PTPRT: variants seen among roughly 807,000 people sequenced by gnomAD.
PTPRT encodes the protein receptor-type tyrosine-protein phosphatase T.
In PTPRT, 56 loss-of-function variants were observed where a neutral mutation model predicts 176.8. The observed-to-expected ratio is 0.32, with a 90% confidence interval of 0.26 to 0.40. PTPRT has a LOEUF of 0.40. Ranked by LOEUF, PTPRT falls within the 10% of genes least tolerant of loss-of-function variation. The pLI, the probability that PTPRT is intolerant of heterozygous loss-of-function variation, is 1.00. For missense variants in PTPRT, 1,540 were observed against 1,908.2 expected (o/e 0.81, Z 3.60); for synonymous variants, 783 against 739.0 (o/e 1.06, Z -0.96).
At chr20:42,754,873 C>A (rs973428593) in intron 6 of PTPRT, among the ~76,000 whole-genome samples, 1 of 151,922 alleles carries the variant, frequency 6.6e-6, no homozygotes, top group African/African-American at 2.4e-5. Context: ...TCAAAACAGG[C>A]GAACACTAAC....
chr20:42,857,859 G>A (rs1162062123), intron 2 of PTPRT, among the ~76,000 whole-genome samples: 2 of 152,204 alleles, frequency 1.3e-5, no homozygotes, highest in African/African-American at 4.8e-5. Flanking sequence ...TGCAGAAGGT[G>A]TCTCCTGTTT....
chr20:42,214,880 A>T (rs954681906), intron 15 of PTPRT, among the ~76,000 whole-genome samples: 2 of 152,308 alleles, frequency 1.3e-5, no homozygotes, highest in African/African-American at 4.8e-5. Flanking sequence ...CCTAGACTGA[A>T]ATCCTGGCTC....
chr20:43,185,699 C>T (rs751963526), intron 1 of PTPRT, among the ~76,000 whole-genome samples: 4 of 152,006 alleles, frequency 2.6e-5, no homozygotes, highest in South Asian at 2.1e-4. Context: ...TTTGGGAGGC[C>T]GAGGTAGGCA....
chr20:42,527,400 G>A (rs2072298221), intron 7 of PTPRT, among the ~76,000 whole-genome samples: 1 of 152,150 alleles, frequency 6.6e-6, no homozygotes, highest in Non-Finnish European at 1.5e-5. Context: ...TACACTGTCA[G>A]TCTTGCAGAT....
chr20:42,864,105 C>A (rs1449336388), intron 2 of PTPRT, among the ~76,000 whole-genome samples: 1 of 152,244 alleles, frequency 6.6e-6, no homozygotes, highest in Non-Finnish European at 1.5e-5. Context: ...CCACTCCTGA[C>A]ATTGGCAAGT....
intron 1 of PTPRT, among the ~76,000 whole-genome samples, chr20:43,003,597 TA>T (rs1421829639): frequency 5.9e-5 from 9 of 152,216 alleles, no homozygotes; most frequent in African/African-American, 1.9e-4. Flanking sequence ...TTTTTACTTA[TA>T]CTTTGTGATT....
chr20:42,564,186 T>A (rs941659931), intron 7 of PTPRT, among the ~76,000 whole-genome samples: 1 of 152,118 alleles, frequency 6.6e-6, no homozygotes, highest in African/African-American at 2.4e-5. Flanking sequence ...AACCGCCTAG[T>A]CTCCTTCACA....
chr20:42,761,324 C>T (rs1414658320), intron 5 of PTPRT, among the ~76,000 whole-genome samples: 1 of 151,878 alleles, frequency 6.6e-6, no homozygotes, highest in Non-Finnish European at 1.5e-5. Flanking sequence ...ATCCCAGCTG[C>T]TCGGGAGGCC....
At chr20:43,012,409 T>C (rs1316101436) in intron 1 of PTPRT, among the ~76,000 whole-genome samples, 1 of 152,084 alleles carries the variant, frequency 6.6e-6, no homozygotes, top group African/African-American at 2.4e-5. Context: ...AAAATGGTGG[T>C]TACTAGAGGC....
intron 1 of PTPRT, among the ~76,000 whole-genome samples, chr20:43,013,700 G>A (rs1459433351): frequency 6.6e-6 from 1 of 152,148 alleles, no homozygotes; most frequent in Non-Finnish European, 1.5e-5. Flanking sequence ...TTACTGACTT[G>A]TTCACTCATT....
chr20:42,289,961 G>T (rs770943372), intron 12 of PTPRT, among the ~76,000 whole-genome samples: 1 of 151,902 alleles, frequency 6.6e-6, no homozygotes, highest in Non-Finnish European at 1.5e-5. Flanking sequence ...GTCTCTGTTG[G>T]TCAGAATTAG....
At chr20:42,640,618 A>C (rs1436185413) in intron 7 of PTPRT, among the ~76,000 whole-genome samples, 1 of 151,994 alleles carries the variant, frequency 6.6e-6, no homozygotes, top group Non-Finnish European at 1.5e-5. Context: ...CGAACTCCTG[A>C]CCACCGCCTC....
At chr20:42,098,236 T>TG (rs5841448) in intron 27 of PTPRT, among the ~76,000 whole-genome samples, 185 bp downstream of exon 27, 17,498 of 151,880 alleles carry the variant, frequency 0.12, 1,404 homozygotes, top group South Asian at 0.22. Flanking sequence ...GCTGGAGGTC[T>TG]GGGGGGTGAC....
intron 7 of PTPRT, among the ~76,000 whole-genome samples, chr20:42,476,981 A>G (rs1293805397): frequency 2.0e-5 from 3 of 152,196 alleles, no homozygotes; most frequent in Admixed American, 1.3e-4. Flanking sequence ...TTTAGTCTGT[A>G]GCCCCTTCCC....
intron 15 of PTPRT, among the ~76,000 whole-genome samples, chr20:42,206,422 C>T (rs544260994): frequency 2.0e-5 from 3 of 152,296 alleles, no homozygotes; most frequent in African/African-American, 4.8e-5. Flanking sequence ...TCAGTGGGTG[C>T]GCGCACCATG....
chr20:42,281,476 A>G (rs2057137678), intron 13 of PTPRT, among the ~76,000 whole-genome samples: 1 of 151,806 alleles, frequency 6.6e-6, no homozygotes, highest in African/African-American at 2.4e-5. Flanking sequence ...CTTGGTGCAC[A>G]TTTCGTCAAG....
At chr20:42,397,836 T>C (rs929456661) in intron 9 of PTPRT, among the ~76,000 whole-genome samples, 1 of 152,162 alleles carries the variant, frequency 6.6e-6, no homozygotes, top group African/African-American at 2.4e-5. Flanking sequence ...AAATGGTAGT[T>C]CAACTCTTGG....
intron 1 of PTPRT, among the ~76,000 whole-genome samples, chr20:43,079,566 T>C (rs918027769): frequency 1.3e-5 from 2 of 152,194 alleles, no homozygotes; most frequent in Non-Finnish European, 2.9e-5. Context: ...TCATACCCTT[T>C]AGAGTTTCTC....
At chr20:42,334,153 A>G (rs917440621) in intron 11 of PTPRT, among the ~76,000 whole-genome samples, 6 of 152,182 alleles carry the variant, frequency 3.9e-5, no homozygotes, top group Non-Finnish European at 7.3e-5. Context: ...TAAGACCCCC[A>G]TGGTTCAGAG....
Sources: gnomAD v4.1 joint callset for allele counts (sites outside exome capture counted in the v4.1 genomes callset) on GRCh38, gnomAD v4.1.1 for gene constraint, MANE v1.5 for transcripts, NCBI Gene and HGNC (gene_info 2026-07-23, HGNC 2026-07-21) for gene names.